LHFPL3: variants seen among roughly 807,000 people sequenced by gnomAD.
The protein encoded by LHFPL3 is LHFPL tetraspan subfamily member 3, also known as LHFPL tetraspan subfamily member 3 protein.
Under a neutral mutation model 19.3 loss-of-function variants are expected in LHFPL3, and 5 were observed. That is an observed-to-expected ratio of 0.26 (90% CI 0.14 to 0.54). The LOEUF is 0.54. Ranked by LOEUF, LHFPL3 falls within the 20% of genes least tolerant of loss-of-function variation. The pLI is 0.94. For synonymous variants in LHFPL3, 133 were observed against 126.2 expected (o/e 1.05, Z -0.36); for missense variants, 249 against 307.4 (o/e 0.81, Z 1.42).
intron 1 of LHFPL3, among the ~76,000 whole-genome samples, chr7:104,589,035 T>C (rs1224921245): frequency 6.6e-6 from 1 of 152,196 alleles, no homozygotes; most frequent in African/African-American, 2.4e-5. Flanking sequence ...GTTTTCTAAG[T>C]ATACAATCAT....
At chr7:104,470,204 GA>G in intron 1 of LHFPL3, 1 of 390,628 alleles carries the variant, frequency 2.6e-6, no homozygotes, top group Non-Finnish European at 5.2e-6. Flanking sequence ...GCAAGAAATG[GA>G]AAAAAATGAT....
chr7:104,751,923 G>A (rs1035603749), intron 2 of LHFPL3, among the ~76,000 whole-genome samples: 7 of 151,810 alleles, frequency 4.6e-5, no homozygotes, highest in African/African-American at 1.7e-4. Flanking sequence ...GGTGCCGTAG[G>A]ATTAAGTCTC....
At chr7:104,400,794 C>T (rs1014307095) in intron 1 of LHFPL3, among the ~76,000 whole-genome samples, 2 of 152,168 alleles carry the variant, frequency 1.3e-5, no homozygotes, top group African/African-American at 2.4e-5. Context: ...TTGTTAACCT[C>T]CTCTTTCTCC....
chr7:104,736,886 A>G lies in LHFPL3; in HGVS notation c.657A>G (p.Ala219=). 7.5e-6 allele frequency: 12 copies of G among 1,607,808 alleles called. No individual in the cohort carries two copies. The highest frequency in any genetic ancestry group is 1.0e-5 in the Non-Finnish European group (12 of 1,176,916). The change falls in exon 2 of 3, where the codon GCA becomes GCG. Residue 219 remains alanine, a synonymous_variant. Coordinates refer to ENST00000424859, the MANE Select transcript of LHFPL3 (RefSeq NM_199000.3). ...GTAATCGACAAGACAGCTTGATGGC[A>G]GAGGAACTGAAGGCAGAAAACAAAG... is the stretch of plus-strand genomic sequence containing the variant. ...VLGNRQDSLM[A]EELKAENKVL...
intron 2 of LHFPL3, among the ~76,000 whole-genome samples, chr7:104,763,271 T>C (rs1237546244): frequency 6.6e-6 from 1 of 152,136 alleles, no homozygotes; most frequent in East Asian, 1.9e-4. Flanking sequence ...TTCTTTGTGT[T>C]GGTCTCTGAG....
chr7:104,614,079 G>A (rs1490161559), intron 1 of LHFPL3, among the ~76,000 whole-genome samples: 2 of 152,118 alleles, frequency 1.3e-5, no homozygotes, highest in Non-Finnish European at 2.9e-5. Context: ...CAAGACACTG[G>A]CAGATTCACA....
chr7:104,671,550 A>T (rs1299394551), intron 1 of LHFPL3, among the ~76,000 whole-genome samples: 3 of 148,992 alleles, frequency 2.0e-5, no homozygotes, highest in Middle Eastern at 3.4e-3. Flanking sequence ...TTTTCTCCAA[A>T]TAAATCTGAT....
At position 104,732,649 on chromosome 7, in the gene LHFPL3, A is replaced by G. The variant is rs1391059416; in HGVS notation, c.446-4026A>G. Among the ~76,000 whole-genome samples the G allele has an allele frequency of 1.3e-5, 2 of 151,808 alleles. 1 individual carries two copies. The highest frequency in any genetic ancestry group is 4.8e-5 in the African/African-American group (2 of 41,276). ...TATTAGTCTTGTTAGTGGTCTATCA[A>G]TTTTGTTGATCTTTTCAAAAAACCA... On this transcript the variant is annotated intron_variant, in intron 1 of 2. Coordinates refer to ENST00000424859, the MANE Select transcript of LHFPL3 (RefSeq NM_199000.3).
chr7:104,756,179 T>G (rs927756016), intron 2 of LHFPL3, among the ~76,000 whole-genome samples: 6 of 152,152 alleles, frequency 3.9e-5, no homozygotes, highest in African/African-American at 1.4e-4. Flanking sequence ...ACACACTTTC[T>G]TCAATCCAAA....
At chr7:104,720,969 A>G (rs1260002453) in intron 1 of LHFPL3, among the ~76,000 whole-genome samples, 7 of 152,230 alleles carry the variant, frequency 4.6e-5, no homozygotes, top group Non-Finnish European at 7.3e-5. Context: ...CCATTGAGGA[A>G]GACAGTGTGA....
At chr7:104,561,783 G>A (rs1790010029) in intron 1 of LHFPL3, among the ~76,000 whole-genome samples, 1 of 152,162 alleles carries the variant, frequency 6.6e-6, no homozygotes, top group Non-Finnish European at 1.5e-5. Flanking sequence ...AGTCTCGATT[G>A]TCTTTACATT....
At chr7:104,498,241 T>C (rs920209569) in intron 1 of LHFPL3, among the ~76,000 whole-genome samples, 1 of 144,884 alleles carries the variant, frequency 6.9e-6, no homozygotes, top group South Asian at 2.1e-4. Flanking sequence ...TTTGTGGATA[T>C]GTGACAACAA....
At chr7:104,681,289 A>G (rs1180818845) in intron 1 of LHFPL3, among the ~76,000 whole-genome samples, 3 of 151,642 alleles carry the variant, frequency 2.0e-5, no homozygotes, top group Non-Finnish European at 2.9e-5. Flanking sequence ...GGCAACCTCT[A>G]GAATAATCCT....
chr7:104,638,674 T>C (rs558897412), intron 1 of LHFPL3, among the ~76,000 whole-genome samples: 7 of 152,308 alleles, frequency 4.6e-5, no homozygotes, highest in African/African-American at 1.7e-4. Context: ...TTAGTTTGGT[T>C]TATACGATGT....
At chr7:104,340,227 T>C (rs1471910472) in intron 1 of LHFPL3, among the ~76,000 whole-genome samples, 1 of 152,142 alleles carries the variant, frequency 6.6e-6, no homozygotes, top group East Asian at 1.9e-4. Flanking sequence ...GTTATAGACA[T>C]TTAAAAAATA....
rs915014640 is a variant in LHFPL3 at position 104,863,751 on chromosome 7, G to A, written c.683-42436G>A. Among the ~76,000 whole-genome samples, 6 of 152,284 alleles carry A rather than the reference G, an allele frequency of 3.9e-5. No homozygotes were observed. In the South Asian group the frequency reaches 1.2e-3, roughly 32 times the overall value. On this transcript the variant is annotated intron_variant, in intron 2 of 2. Coordinates refer to ENST00000424859, the MANE Select transcript of LHFPL3 (RefSeq NM_199000.3). ...CCTTGCACAGTGAGTCACTGGCTGGGCCAGTATTTGGACCAGATTCTCTGA... is the reference window on the plus strand; with the variant it reads ...CCTTGCACAGTGAGTCACTGGCTGGACCAGTATTTGGACCAGATTCTCTGA...
intron 2 of LHFPL3, among the ~76,000 whole-genome samples, chr7:104,896,263 T>A (rs1792356224): frequency 6.6e-6 from 1 of 152,216 alleles, no homozygotes. Flanking sequence ...GAGCAGCAAC[T>A]ATGTGCCAGG....
intron 1 of LHFPL3, among the ~76,000 whole-genome samples, chr7:104,487,424 A>G (rs1475146103): frequency 2.0e-5 from 3 of 152,250 alleles, no homozygotes; most frequent in Non-Finnish European, 4.4e-5. Flanking sequence ...GGCAGGAGCC[A>G]CTGCTGAACA....
At chr7:104,874,542 G>T (rs1056677417) in intron 2 of LHFPL3, among the ~76,000 whole-genome samples, 1 of 151,874 alleles carries the variant, frequency 6.6e-6, no homozygotes, top group African/African-American at 2.4e-5. Flanking sequence ...TTACAGGCAT[G>T]CATCACCACA....
Sources: gnomAD v4.1 joint callset for allele counts (sites outside exome capture counted in the v4.1 genomes callset) on GRCh38, gnomAD v4.1.1 for gene constraint, MANE v1.5 for transcripts, NCBI Gene and HGNC (gene_info 2026-07-23, HGNC 2026-07-21) for gene names.